Variants in TIAM1 observed in about 807,000 individuals in gnomAD.
TIAM1 encodes rho guanine nucleotide exchange factor TIAM1.
In TIAM1, 65 loss-of-function variants were observed where a neutral mutation model predicts 163.5. The ratio of observed to expected loss-of-function variants is 0.40; its 90% CI spans 0.33 to 0.49. The LOEUF (loss-of-function observed/expected upper bound fraction) is 0.49. TIAM1 is among the 20% of genes least tolerant of loss of function. The probability of loss-of-function intolerance (pLI) is 0.77; values close to 1 mark genes in which losing one functional copy is unlikely to be tolerated. For synonymous variants in TIAM1, 833 were observed against 810.1 expected, an observed-to-expected ratio of 1.03 and a Z score of -0.48; for missense variants, 1,789 against 2,044.7, an observed-to-expected ratio of 0.87 and a Z score of 2.41.
chr21:31,386,230 G>A (rs1454672871), intron 2 of TIAM1, among the ~76,000 whole-genome samples: 1 of 152,062 alleles, frequency 6.6e-6, no homozygotes, highest in Non-Finnish European at 1.5e-5. Flanking sequence ...TGGCACGGGT[G>A]CTGAGCAGAG....
At chr21:31,476,703 C>G (rs2045946285) in intron 1 of TIAM1, among the ~76,000 whole-genome samples, 1 of 152,108 alleles carries the variant, frequency 6.6e-6, no homozygotes, top group Non-Finnish European at 1.5e-5. Flanking sequence ...ATTTCAGTCC[C>G]GAACAGTTTT....
chr21:31,144,409 C>T (rs1041537720), intron 20 of TIAM1, among the ~76,000 whole-genome samples: 2 of 152,248 alleles, frequency 1.3e-5, no homozygotes, highest in Admixed American at 6.5e-5. Flanking sequence ...CTGCACAGTT[C>T]ACAGCGCTTG....
chr21:31,213,327 C>T lies in TIAM1; in HGVS notation c.2217+71G>A, dbSNP rs1034394293. The stretch of plus-strand genomic sequence containing the variant: ...TTTACTTAATTTTAGTAGCTCAAGA[C>T]AACACTGCACCATGTATATGTTGAT... On this transcript the variant is annotated intron_variant, in intron 10 of 27. Coordinates refer to ENST00000541036, the MANE Select transcript of TIAM1 (RefSeq NM_001353694.2). 4 of 1,340,440 alleles carry T rather than the reference C, an allele frequency of 3.0e-6. No individual in the cohort carries two copies. In the African/African-American group the frequency reaches 6.0e-5, roughly 20 times the overall value. 83.0% of individuals were successfully genotyped at this position (1,340,440 alleles called of 1,614,324 possible).
At chr21:31,457,832 G>A (rs1178135662) in intron 2 of TIAM1, among the ~76,000 whole-genome samples, 2 of 152,116 alleles carry the variant, frequency 1.3e-5, no homozygotes, top group Non-Finnish European at 2.9e-5. Context: ...CAATGTCTGG[G>A]GACATTTTGG....
At chr21:31,465,100 C>A (rs901797136) in intron 1 of TIAM1, among the ~76,000 whole-genome samples, 2 of 151,566 alleles carry the variant, frequency 1.3e-5, no homozygotes, top group African/African-American at 4.8e-5. Flanking sequence ...AGGAAGGCTG[C>A]GGTGAGAGGA....
chr21:31,172,213 G>T (rs149328535), intron 15 of TIAM1, among the ~76,000 whole-genome samples: 1 of 152,252 alleles, frequency 6.6e-6, no homozygotes, highest in East Asian at 1.9e-4. Context: ...ATTCAAGTGG[G>T]AAAGGGCATT....
intron 2 of TIAM1, among the ~76,000 whole-genome samples, chr21:31,364,319 T>C (rs1480971074): frequency 6.6e-6 from 1 of 152,154 alleles, no homozygotes; most frequent in Non-Finnish European, 1.5e-5. Context: ...AAAAATAAAA[T>C]TGCTTGTAGA....
At chr21:31,185,570 T>TATATATTAATATAATATATTATATATC (rs2085259259) in intron 14 of TIAM1, among the ~76,000 whole-genome samples, 1 of 143,180 alleles carries the variant, frequency 7.0e-6, no homozygotes, top group Admixed American at 7.3e-5. Flanking sequence ...TATAATATAT[T>TATATATTAATATAATATATTATATATC]ATATATTAAT....
intron 2 of TIAM1, among the ~76,000 whole-genome samples, chr21:31,438,156 A>G (rs567065006): frequency 9.9e-5 from 14 of 141,972 alleles, no homozygotes; most frequent in Non-Finnish European, 2.1e-4. Flanking sequence ...CCACACATAC[A>G]TATGTAATTG....
At chr21:31,236,395 G>A (rs1484901860) in intron 6 of TIAM1, among the ~76,000 whole-genome samples, 2 of 152,034 alleles carry the variant, frequency 1.3e-5, no homozygotes, top group Admixed American at 6.6e-5. Flanking sequence ...TATAATCTAC[G>A]GTGTGGGGAA....
At chr21:31,351,290 A>C (rs986612429) in intron 2 of TIAM1, among the ~76,000 whole-genome samples, 5 of 152,188 alleles carry the variant, frequency 3.3e-5, no homozygotes, top group Admixed American at 6.5e-5. Flanking sequence ...TAATAAAACC[A>C]TGACAGCTTC....
At chr21:31,371,204 A>C (rs931558026) in intron 2 of TIAM1, among the ~76,000 whole-genome samples, 3 of 152,312 alleles carry the variant, frequency 2.0e-5, no homozygotes, top group African/African-American at 7.2e-5. Flanking sequence ...TGGAAAAGAA[A>C]ACCCCAGAGT....
At chr21:31,281,462 A>G (rs866232941) in intron 2 of TIAM1, among the ~76,000 whole-genome samples, 34 of 152,202 alleles carry the variant, frequency 2.2e-4, no homozygotes, top group African/African-American at 7.7e-4. Context: ...AGTGTCCCCA[A>G]ATTTTCCATA....
rs11291911 is a variant in TIAM1, at chr21:31,432,091, CTTTTTTTTTTTTTT to C, written c.-369+31878_-369+31891del. Among the ~76,000 whole-genome samples the C allele has an allele frequency of 5.3e-5, 5 of 93,662 alleles. No individual in the cohort carries two copies. The South Asian group carries it at 1.0e-3, about 19-fold the overall frequency. The allele number at this position is 93,662 out of a possible 152,430, so 61.4% of individuals were successfully genotyped here. A position where few individuals can be genotyped will look rare whatever the true frequency, so the allele number is the denominator to read the frequency against. ...TGAACATGTCAAAAATCTAAGATTCCTTTTTTTTTTTTTTTTTTTTTTTTTTTTGAGACGGAGTC... is the reference window on the plus strand; with the variant it reads ...TGAACATGTCAAAAATCTAAGATTCCTTTTTTTTTTTTTTGAGACGGAGTC... On this transcript the variant is annotated intron_variant, in intron 2 of 28. Transcript: ENST00000286827.
At chr21:31,515,631 T>C (rs1369841818) in intron 1 of TIAM1, among the ~76,000 whole-genome samples, 1 of 152,152 alleles carries the variant, frequency 6.6e-6, no homozygotes, top group Non-Finnish European at 1.5e-5. Context: ...AATCGACAAC[T>C]TTACAGGCTG....
chr21:31,248,407 G>C (rs543205348), intron 5 of TIAM1, among the ~76,000 whole-genome samples: 1 of 152,074 alleles, frequency 6.6e-6, no homozygotes, highest in Non-Finnish European at 1.5e-5. Flanking sequence ...TGATCAACTC[G>C]TTCCAACTTT....
intron 1 of TIAM1, among the ~76,000 whole-genome samples, chr21:31,550,626 G>T (rs1443681803): frequency 6.6e-6 from 1 of 151,768 alleles, no homozygotes; most frequent in African/African-American, 2.4e-5. Context: ...AAAAAGAGGT[G>T]GAAGTATATC....
At chr21:31,287,956 T>C (rs2073876980) in intron 2 of TIAM1, among the ~76,000 whole-genome samples, 1 of 152,004 alleles carries the variant, frequency 6.6e-6, no homozygotes, top group African/African-American at 2.4e-5. Flanking sequence ...GTAGTGAGAA[T>C]GACAGGTAGG....
At chr21:31,535,153 C>T (rs910891771) in intron 1 of TIAM1, among the ~76,000 whole-genome samples, 3 of 151,418 alleles carry the variant, frequency 2.0e-5, no homozygotes, top group Admixed American at 1.3e-4. Context: ...GAGGCCAAGG[C>T]AGGCGAATCA....
Sources: allele counts gnomAD v4.1 joint callset (sites outside exome capture counted in the v4.1 genomes callset), GRCh38; gene constraint gnomAD v4.1.1; transcripts MANE v1.5; gene names NCBI Gene and HGNC (gene_info 2026-07-23, HGNC 2026-07-21).